PDE4D: variants seen among roughly 807,000 people sequenced by gnomAD.
The protein encoded by PDE4D is 3',5'-cyclic-AMP phosphodiesterase 4D.
A neutral mutation model predicts 87.4 loss-of-function variants in PDE4D; 24 were observed. That is an observed-to-expected ratio of 0.27 (90% CI 0.20 to 0.39). The LOEUF (loss-of-function observed/expected upper bound fraction) is 0.39. Among genes scored for constraint, PDE4D ranks in the 10% least tolerant of loss-of-function variants. The probability of loss-of-function intolerance (pLI) is 1.00; values close to 1 mark genes in which losing one functional copy is unlikely to be tolerated. For synonymous variants in PDE4D, 384 were observed against 383.2 expected (o/e 1.00, Z -0.02); for missense variants, 714 against 1,041.0 (o/e 0.69, Z 4.32).
intron 5 of PDE4D, among the ~76,000 whole-genome samples, chr5:59,113,264 T>A (rs776735041): frequency 6.6e-6 from 1 of 152,250 alleles, no homozygotes; most frequent in African/African-American, 2.4e-5. Flanking sequence ...GGGGACCTAC[T>A]ATATTCTATT....
intron 1 of PDE4D, among the ~76,000 whole-genome samples, chr5:59,313,795 G>C (rs991603880): frequency 1.3e-5 from 2 of 152,052 alleles, no homozygotes; most frequent in African/African-American, 2.4e-5. Context: ...AACCTAAAGT[G>C]ATGGATCTAC....
rs76193381 is a variant in PDE4D at position 60,312,439 on chromosome 5, T to A, written c.-89-126752A>T. Among the ~76,000 whole-genome samples the A allele has an allele frequency of 0.012, 1,838 of 152,276 alleles. 61 individuals are homozygous for A. In the East Asian group the frequency reaches 0.13, roughly 11 times the overall value. On this transcript the variant is annotated intron_variant, in intron 1 of 16. Coordinates refer to the PDE4D transcript ENST00000502484. The stretch of plus-strand genomic sequence containing the variant: ...GAAATATCTGAGACTGGGTAATTTA[T>A]AAAGGAAGAAAGTTTCATTGACTCA...
At chr5:59,494,037 T>G (rs750817433) in intron 1 of PDE4D, among the ~76,000 whole-genome samples, 2 of 152,322 alleles carry the variant, frequency 1.3e-5, no homozygotes, top group African/African-American at 2.4e-5. Context: ...TTTGGAAACT[T>G]GGCTTTGACC....
intron 1 of PDE4D, among the ~76,000 whole-genome samples, chr5:59,377,440 A>T (rs1784930338): frequency 2.6e-5 from 4 of 151,250 alleles, no homozygotes. Flanking sequence ...AAAATATGTC[A>T]TGACAAAGAC....
At chr5:59,539,580 AT>A (rs138626671) in intron 1 of PDE4D, among the ~76,000 whole-genome samples, 3,396 of 152,196 alleles carry the variant, frequency 0.022, 118 homozygotes, top group African/African-American at 0.077. Flanking sequence ...GAAGAAGCCA[AT>A]TTTCTTTTGT....
chr5:59,049,376 C>T (rs531062282), intron 5 of PDE4D, among the ~76,000 whole-genome samples: 28 of 152,218 alleles, frequency 1.8e-4, no homozygotes, highest in African/African-American at 6.0e-4. Flanking sequence ...TAATCACCCT[C>T]GTCTATCTCT....
chr5:59,256,308 C>G (rs1760948517), intron 1 of PDE4D, among the ~76,000 whole-genome samples: 1 of 151,960 alleles, frequency 6.6e-6, no homozygotes, highest in South Asian at 2.1e-4. Flanking sequence ...CAGACAAAAA[C>G]CAAATGGTTT....
At chr5:59,812,892 C>T (rs754090515) in intron 1 of PDE4D, among the ~76,000 whole-genome samples, 24 of 152,304 alleles carry the variant, frequency 1.6e-4, no homozygotes, top group African/African-American at 3.4e-4. Context: ...GGGCAAGCAC[C>T]GAACCTGGCT....
intron 6 of PDE4D, among the ~76,000 whole-genome samples, chr5:59,035,923 G>C (rs1561358793): frequency 6.6e-6 from 1 of 152,114 alleles, no homozygotes. Context: ...TACCCTACTT[G>C]GTACAAGCAT....
intron 1 of PDE4D, among the ~76,000 whole-genome samples, chr5:59,242,375 G>C (rs935341522): frequency 5.9e-5 from 9 of 152,142 alleles, no homozygotes; most frequent in South Asian, 2.1e-4. Context: ...TTTTGATAAA[G>C]TTTCACTGAT....
chr5:59,893,095 A>C (rs1157702372), intron 1 of PDE4D, 73 bp downstream of exon 1: 2 of 1,434,318 alleles, frequency 1.4e-6, no homozygotes, highest in African/African-American at 2.9e-5. Context: ...TGATAAGCCG[A>C]CTTAGATGGA....
chr5:59,535,588 A>G (rs1451623247), intron 1 of PDE4D, among the ~76,000 whole-genome samples: 1 of 152,236 alleles, frequency 6.6e-6, no homozygotes, highest in African/African-American at 2.4e-5. Context: ...TAGTGTTTCA[A>G]CTTTTTCCTA....
At chr5:59,857,062 C>A (rs7718249) in intron 1 of PDE4D, among the ~76,000 whole-genome samples, 34,087 of 152,034 alleles carry the variant, frequency 0.22, 4,864 homozygotes, top group Admixed American at 0.34. Context: ...CATCTGCCAG[C>A]TTCTAAATCT....
intron 5 of PDE4D, among the ~76,000 whole-genome samples, chr5:59,140,030 C>G (rs1354746710): frequency 6.6e-6 from 1 of 152,114 alleles, no homozygotes; most frequent in Non-Finnish European, 1.5e-5. Flanking sequence ...ATGATGGATT[C>G]CAGAAACTCT....
intron 5 of PDE4D, among the ~76,000 whole-genome samples, chr5:59,126,989 C>T (rs1490875216): frequency 1.3e-5 from 2 of 152,178 alleles, no homozygotes; most frequent in East Asian, 3.9e-4. Flanking sequence ...AGACAATTTA[C>T]ACTAAAGAAT....
intron 6 of PDE4D, among the ~76,000 whole-genome samples, chr5:59,019,306 A>T (rs778472981): frequency 6.6e-6 from 1 of 152,046 alleles, no homozygotes; most frequent in Non-Finnish European, 1.5e-5. Context: ...CTTTCAGTAC[A>T]ATTTCCCCTT....
chr5:60,434,990 T>C lies in PDE4D; in HGVS notation c.-90+52952A>G, dbSNP rs367634374. Reference sequence around the variant, plus strand: ...ATACTTTGTCAAGAGCACTGACTTATGGCATGAAATTAAAGGGAAGTAAAC... The same window carrying C: ...ATACTTTGTCAAGAGCACTGACTTACGGCATGAAATTAAAGGGAAGTAAAC... On this transcript the variant is annotated intron_variant, in intron 1 of 16. Transcript: ENST00000502484. Among the ~76,000 whole-genome samples the C allele has an allele frequency of 3.3e-5, 5 of 152,250 alleles. No individual in the cohort carries two copies. In the East Asian group the frequency reaches 7.7e-4, roughly 23 times the overall value.
intron 1 of PDE4D, among the ~76,000 whole-genome samples, chr5:59,588,886 C>G (rs572315637): frequency 7.2e-4 from 109 of 152,260 alleles, no homozygotes; most frequent in African/African-American, 2.5e-3. Flanking sequence ...TAATCTGGCC[C>G]AGAAAACTTC....
intron 1 of PDE4D, among the ~76,000 whole-genome samples, chr5:60,395,261 C>A (rs1762811891): frequency 6.6e-6 from 1 of 152,004 alleles, no homozygotes; most frequent in Non-Finnish European, 1.5e-5. Flanking sequence ...ACCAATCAAC[C>A]AGAGACCACT....
Sources: allele counts gnomAD v4.1 joint callset (sites outside exome capture counted in the v4.1 genomes callset), GRCh38; gene constraint gnomAD v4.1.1; transcripts MANE v1.5; gene names NCBI Gene and HGNC (gene_info 2026-07-23, HGNC 2026-07-21).